ATP11A: variants seen among roughly 807,000 people sequenced by gnomAD.
ATP11A encodes ATPase phospholipid transporting 11A.
Under a neutral mutation model 154.4 loss-of-function variants are expected in ATP11A, and 81 were observed. The observed-to-expected ratio is 0.52, with a 90% CI of 0.44 to 0.63. The LOEUF (loss-of-function observed/expected upper bound fraction) is 0.63, where lower values mean the gene tolerates loss of function less well. Ranked by LOEUF, ATP11A falls within the 30% of genes least tolerant of loss-of-function variation. ATP11A has a pLI of 0.00. For missense variants in ATP11A, 1,316 were observed against 1,474.3 expected, an observed-to-expected ratio of 0.89 and a Z score of 1.76; for synonymous variants, 623 against 585.9, an observed-to-expected ratio of 1.06 and a Z score of -0.91.
At chr13:112,776,983 A>G (rs1256683280) in intron 1 of ATP11A, among the ~76,000 whole-genome samples, 1 of 152,150 alleles carries the variant, frequency 6.6e-6, no homozygotes, top group Non-Finnish European at 1.5e-5. Context: ...AGAGTGTCGC[A>G]TCGTAGATCT....
At chr13:112,779,156 G>A in intron 1 of ATP11A, among the ~76,000 whole-genome samples, 1 of 113,420 alleles carries the variant, frequency 8.8e-6, no homozygotes, top group Non-Finnish European at 1.8e-5. Context: ...GCTGGAGTGA[G>A]GAGTAGCCAC....
rs553861326 is a variant in ATP11A, at chr13:112,749,414, A to G, written c.40-35721A>G. 3.9e-5 allele frequency among the ~76,000 whole-genome samples: 6 copies of G among 152,368 alleles called. No individual in the cohort carries two copies. The South Asian group carries it at 1.2e-3, about 32-fold the overall frequency. ...TGAATGACTTTCCTGAATTAACTAC[A>G]TTCTCAAAAATATTCCCAGCATTGG... On this transcript the variant is annotated intron_variant, in intron 1 of 29. Coordinates refer to ENST00000375645, the MANE Select transcript of ATP11A (RefSeq NM_015205.3).
At chr13:112,830,575 C>A (rs946850547) in intron 12 of ATP11A, among the ~76,000 whole-genome samples, 1 of 151,542 alleles carries the variant, frequency 6.6e-6, no homozygotes. Flanking sequence ...GACTCCGTCT[C>A]AAAAAAAATA....
At chr13:112,771,843 C>T (rs1261882188) in intron 1 of ATP11A, among the ~76,000 whole-genome samples, 1 of 152,212 alleles carries the variant, frequency 6.6e-6, no homozygotes, top group Non-Finnish European at 1.5e-5. Flanking sequence ...AACAAAGTAA[C>T]ATTTAATATC....
At position 112,832,952 on chromosome 13, in the gene ATP11A, G is replaced by A. The variant is rs773448462; in HGVS notation, c.1488G>A (p.Pro496=). The A allele has an allele frequency of 2.0e-5, 32 of 1,613,916 alleles. No individual in the cohort carries two copies. The highest frequency in any genetic ancestry group is 1.7e-4 in the Middle Eastern group (1 of 6,004). ...DDSVDGPRKS[P]DGGKSCVYIS... ...GCGTAGACGGCCCCAGGAAATCGCC[G>A]GACGGGGGGAAATCCTGTGTGTACA... The change falls in exon 14 of 30, where the codon CCG becomes CCA. Residue 496 remains proline (P), a synonymous_variant. Transcript: ENST00000375645.
At chr13:112,786,772 C>A (rs985684476) in intron 2 of ATP11A, among the ~76,000 whole-genome samples, 4 of 152,284 alleles carry the variant, frequency 2.6e-5, no homozygotes, top group Non-Finnish European at 5.9e-5. Flanking sequence ...CTGTGGCGGC[C>A]CACCATTCAC....
At chr13:112,712,748 G>T (rs1376627886) in intron 1 of ATP11A, among the ~76,000 whole-genome samples, 1 of 152,194 alleles carries the variant, frequency 6.6e-6, no homozygotes, top group Admixed American at 6.5e-5. Context: ...TCCAGCCAGG[G>T]TGCCACCTCT....
chr13:112,700,065 T>C (rs1160700800), intron 1 of ATP11A, among the ~76,000 whole-genome samples: 2 of 149,808 alleles, frequency 1.3e-5, no homozygotes, highest in African/African-American at 2.5e-5. Flanking sequence ...TTTTTTGGCT[T>C]GGAAAGGGAA....
intron 1 of ATP11A, among the ~76,000 whole-genome samples, chr13:112,725,827 C>T (rs1889795060): frequency 1.3e-5 from 2 of 152,192 alleles, no homozygotes; most frequent in South Asian, 2.1e-4. Context: ...CAGATCCCTG[C>T]GTGCAGGTGA....
At chr13:112,863,357 A>G (rs554566264) in intron 25 of ATP11A, among the ~76,000 whole-genome samples, 1 of 146,034 alleles carries the variant, frequency 6.8e-6, no homozygotes, top group African/African-American at 2.5e-5. Flanking sequence ...CCACCTGCGC[A>G]GTAATTCAGT....
intron 2 of ATP11A, among the ~76,000 whole-genome samples, chr13:112,800,275 A>G (rs2078099616): frequency 6.6e-6 from 1 of 152,174 alleles, no homozygotes; most frequent in African/African-American, 2.4e-5. Context: ...GAGGAAAAGA[A>G]AAGAGACACA....
chr13:112,742,431 C>T (rs1448148248), intron 1 of ATP11A, among the ~76,000 whole-genome samples: 3 of 152,096 alleles, frequency 2.0e-5, no homozygotes, highest in East Asian at 3.9e-4. Context: ...GGTGTGAGCA[C>T]GCGGTGTCAC....
At chr13:112,876,186 A>C (rs2080719087) in intron 28 of ATP11A, 1 of 360,060 alleles carries the variant, frequency 2.8e-6, no homozygotes, top group Admixed American at 4.5e-5. Flanking sequence ...AAGAGAAAAA[A>C]GACTGATGCA....
In ATP11A at chr13:112,690,831, C is replaced by T. The variant is rs1885074547; in HGVS notation, c.39+376C>T. 1.3e-5 allele frequency among the ~76,000 whole-genome samples: 2 copies of T among 152,194 alleles called. No individual in the cohort carries two copies. The highest frequency in any genetic ancestry group is 4.1e-4 in the South Asian group (2 of 4,830). On this transcript the variant is annotated intron_variant, in intron 1 of 29. Coordinates refer to ENST00000375645, the MANE Select transcript of ATP11A (RefSeq NM_015205.3). This position sits in a 1 kb window ranked among gnomAD's most constrained non-coding sequence, Gnocchi z 5.6. ...GAGCCAACTTCGACCCCGCCGGGGC[C>T]CGGGTCTGGGGAGGAACCTTCAGAT...
intron 12 of ATP11A, 80 bp downstream of exon 12, chr13:112,826,971 G>A: frequency 6.8e-7 from 1 of 1,465,364 alleles, no homozygotes; most frequent in Non-Finnish European, 9.5e-7. Context: ...TCCTGTGCCT[G>A]TCATCCGAGC....
chr13:112,828,503 G>A (rs568153909), intron 12 of ATP11A, among the ~76,000 whole-genome samples: 51 of 143,496 alleles, frequency 3.6e-4, no homozygotes, highest in African/African-American at 1.2e-3. Context: ...AGTGCCCAGC[G>A]GTGTTGAGTG....
At chr13:112,736,652 T>C (rs1891030011) in intron 1 of ATP11A, among the ~76,000 whole-genome samples, 1 of 152,200 alleles carries the variant, frequency 6.6e-6, no homozygotes, top group African/African-American at 2.4e-5. Flanking sequence ...TACAATTGAG[T>C]GTGCAGGTTT....
At chr13:112,823,564 C>T (rs1265346920) in intron 9 of ATP11A, among the ~76,000 whole-genome samples, 155 bp downstream of exon 9, 1 of 152,224 alleles carries the variant, frequency 6.6e-6, no homozygotes, top group African/African-American at 2.4e-5. Context: ...GAGATTTGAT[C>T]AGTGAATAAG....
intron 1 of ATP11A, among the ~76,000 whole-genome samples, chr13:112,734,754 G>C (rs977809990): frequency 4.6e-5 from 7 of 152,134 alleles, no homozygotes; most frequent in African/African-American, 1.7e-4. Context: ...CCTGTACTTG[G>C]CTCACCTGCC....
Sources: allele counts gnomAD v4.1 joint callset (sites outside exome capture counted in the v4.1 genomes callset), GRCh38; gene constraint gnomAD v4.1.1; non-coding constraint Gnocchi (gnomAD v3.1); transcripts MANE v1.5; gene names NCBI Gene and HGNC (gene_info 2026-07-23, HGNC 2026-07-21).